Variants in SNX29 observed in about 807,000 individuals in gnomAD.
The protein encoded by SNX29 is sorting nexin 29, also known as sorting nexin-29.
In SNX29, 78 loss-of-function variants were observed where a neutral mutation model predicts 102.1. That is an observed-to-expected ratio of 0.76 (90% confidence interval 0.64 to 0.92). The LOEUF (loss-of-function observed/expected upper bound fraction) is 0.92. Among genes scored for constraint, SNX29 ranks in the 40% least tolerant of loss-of-function variants. SNX29 has a pLI of 0.00. For missense variants in SNX29, 1,280 were observed against 1,061.7 expected (o/e 1.21, Z -2.86); for synonymous variants, 580 against 414.5 (o/e 1.40, Z -4.85).
At chr16:12,117,517 A>G (rs2141315290) in intron 11 of SNX29, among the ~76,000 whole-genome samples, 1 of 152,336 alleles carries the variant, frequency 6.6e-6, no homozygotes, top group African/African-American at 2.4e-5. Flanking sequence ...GACTCTATTA[A>G]AAAAGAAGAC....
intron 1 of SNX29, among the ~76,000 whole-genome samples, chr16:11,992,888 G>T (rs761530977): frequency 2.6e-5 from 4 of 152,184 alleles, no homozygotes; most frequent in Non-Finnish European, 5.9e-5. Flanking sequence ...AGGGCTGGGC[G>T]TGGGGGCTCA....
chr16:12,136,308 C>T (rs1375532848), intron 13 of SNX29, among the ~76,000 whole-genome samples: 1 of 152,228 alleles, frequency 6.6e-6, no homozygotes, highest in African/African-American at 2.4e-5. Context: ...GCGTCACGGT[C>T]ACTGCTGGCT....
intron 15 of SNX29, among the ~76,000 whole-genome samples, chr16:12,335,852 C>T (rs1285691921): frequency 6.6e-6 from 1 of 152,166 alleles, no homozygotes; most frequent in Non-Finnish European, 1.5e-5. Flanking sequence ...ATGAGGACGC[C>T]AAGGCCCAGG....
chr16:12,225,757 A>G (rs939214326), intron 14 of SNX29, among the ~76,000 whole-genome samples: 1 of 152,236 alleles, frequency 6.6e-6, no homozygotes, highest in African/African-American at 2.4e-5. Context: ...GGATTTGACC[A>G]GATCTCAGCA....
At chr16:12,479,317 C>G (rs1232128262) in intron 19 of SNX29, among the ~76,000 whole-genome samples, 2 of 152,224 alleles carry the variant, frequency 1.3e-5, no homozygotes, top group Admixed American at 6.5e-5. Flanking sequence ...TTTCCTTGAC[C>G]TTTATCACAG....
At chr16:12,540,937 T>A (rs959563911) in intron 20 of SNX29, among the ~76,000 whole-genome samples, 2 of 152,154 alleles carry the variant, frequency 1.3e-5, no homozygotes, top group African/African-American at 4.8e-5. Context: ...CTGCCCACTT[T>A]TGGGGTCAGG....
intron 18 of SNX29, among the ~76,000 whole-genome samples, chr16:12,452,394 G>T (rs1485789041): frequency 3.9e-5 from 6 of 152,282 alleles, no homozygotes; most frequent in Non-Finnish European, 1.5e-5. Context: ...ATAGCGGGTA[G>T]CCGTCAAATG....
At chr16:12,152,917 C>T (rs188638888) in intron 13 of SNX29, among the ~76,000 whole-genome samples, 22 of 152,254 alleles carry the variant, frequency 1.4e-4, no homozygotes, top group African/African-American at 5.1e-4. Context: ...TGCTCAGGAC[C>T]CCGCACACAG....
chr16:12,384,073 A>T (rs971875956), intron 16 of SNX29, among the ~76,000 whole-genome samples: 14 of 152,186 alleles, frequency 9.2e-5, no homozygotes, highest in Admixed American at 3.9e-4. Flanking sequence ...ATGGCTGAAT[A>T]GTACCCCACT....
chr16:12,555,097 A>C (rs1027598563), intron 20 of SNX29, among the ~76,000 whole-genome samples: 1 of 147,558 alleles, frequency 6.8e-6, no homozygotes, highest in Non-Finnish European at 1.5e-5. Context: ...TGAAAGGGCC[A>C]ATCAGGGACA....
Position 12,562,792 on chromosome 16 carries a change from A to C in SNX29, c.2319-5714A>C, listed in dbSNP as rs577632941. On this transcript the variant is annotated intron_variant, in intron 20 of 20. Coordinates refer to ENST00000566228, the MANE Select transcript of SNX29 (RefSeq NM_032167.5). The stretch of plus-strand genomic sequence containing the variant: ...TTGGAGTCCTTTAGCCATCACCATC[A>C]AGATGTGGAACAACTCCTTTCCCCC... Among the ~76,000 whole-genome samples, 3 of 152,206 alleles carry C rather than the reference A, an allele frequency of 2.0e-5. No homozygotes were observed. The South Asian group carries it at 6.2e-4, about 32-fold the overall frequency.
chr16:12,044,119 G>T (rs767101441), intron 5 of SNX29, among the ~76,000 whole-genome samples: 1 of 152,146 alleles, frequency 6.6e-6, no homozygotes, highest in Non-Finnish European at 1.5e-5. Flanking sequence ...TGAGTGATAC[G>T]GAGCGACACT....
chr16:12,554,338 G>A (rs776428995), intron 20 of SNX29, among the ~76,000 whole-genome samples: 22 of 151,656 alleles, frequency 1.5e-4, no homozygotes, highest in Non-Finnish European at 2.1e-4. Flanking sequence ...GATGTCTTTT[G>A]TTCTGTAGCT....
chr16:12,554,427 C>A (rs757818900), intron 20 of SNX29, among the ~76,000 whole-genome samples: 10 of 152,200 alleles, frequency 6.6e-5, no homozygotes, highest in Admixed American at 2.0e-4. Context: ...TCAGCGTGTC[C>A]TGCTGTTTCC....
At chr16:12,357,390 G>C (rs761912755) in intron 16 of SNX29, among the ~76,000 whole-genome samples, 3 of 152,002 alleles carry the variant, frequency 2.0e-5, no homozygotes, top group Non-Finnish European at 2.9e-5. Context: ...TAATTGCTTT[G>C]TGTCATCACA....
chr16:12,566,657 C>G (rs992555061), intron 20 of SNX29, among the ~76,000 whole-genome samples: 3 of 151,584 alleles, frequency 2.0e-5, no homozygotes, highest in Non-Finnish European at 4.4e-5. Context: ...TTGAACCATC[C>G]TCTAAGGAGC....
chr16:12,314,067 C>T (rs1428416921), intron 15 of SNX29, among the ~76,000 whole-genome samples: 3 of 152,268 alleles, frequency 2.0e-5, no homozygotes, highest in Non-Finnish European at 4.4e-5. Flanking sequence ...CTCACTGCAG[C>T]CTCCAACTGT....
chr16:12,204,612 G>A (rs1021586086), intron 14 of SNX29, among the ~76,000 whole-genome samples: 5 of 152,220 alleles, frequency 3.3e-5, no homozygotes, highest in African/African-American at 1.2e-4. Flanking sequence ...ATTGCTGGTG[G>A]CCATCAAAAT....
At chr16:12,088,463 C>A (rs2052326926) in intron 11 of SNX29, among the ~76,000 whole-genome samples, 1 of 152,160 alleles carries the variant, frequency 6.6e-6, no homozygotes, top group Admixed American at 6.5e-5. Context: ...CCCTCCCCAG[C>A]CCTCATTTAT....
Sources: allele counts gnomAD v4.1 joint callset (sites outside exome capture counted in the v4.1 genomes callset), GRCh38; gene constraint gnomAD v4.1.1; transcripts MANE v1.5; gene names NCBI Gene and HGNC (gene_info 2026-07-23, HGNC 2026-07-21).